FAM120A: variants seen among roughly 807,000 people sequenced by gnomAD.
The protein encoded by FAM120A is family with sequence similarity 120 member A.
Under a neutral mutation model 109.7 loss-of-function variants are expected in FAM120A, and 15 were observed. The observed-to-expected ratio is 0.14, with a 90% CI of 0.09 to 0.21. The LOEUF (loss-of-function observed/expected upper bound fraction) is 0.21, where lower values mean the gene tolerates loss of function less well. FAM120A is among the 10% of genes least tolerant of loss of function. The pLI is 1.00. For missense variants in FAM120A, 899 were observed against 1,439.3 expected (o/e 0.62, Z 6.07); for synonymous variants, 493 against 572.8 (o/e 0.86, Z 1.99).
chr9:93,516,302 G>A (rs757373972), intron 7 of FAM120A, 33 bp downstream of exon 7: 1 of 1,596,716 alleles, frequency 6.3e-7, no homozygotes, highest in Non-Finnish European at 8.6e-7. Flanking sequence ...GGTGCTTCCT[G>A]GCGGGTAGTG....
intron 10 of FAM120A, among the ~76,000 whole-genome samples, chr9:93,533,065 C>T (rs1690240916): frequency 6.6e-6 from 1 of 152,118 alleles, no homozygotes; most frequent in African/African-American, 2.4e-5. Flanking sequence ...GTAAAAGTAA[C>T]TGTATATTTA....
At chr9:93,502,559 G>GACACACACACACACACACACAC (rs1459051943) in intron 5 of FAM120A, among the ~76,000 whole-genome samples, 1 of 59,402 alleles carries the variant, frequency 1.7e-5, no homozygotes, top group Admixed American at 2.5e-4. Context: ...TTCTTAGGAG[G>GACACACACACACACACACACAC]ACACATACAC....
chr9:93,508,504 G>T (rs1860164736), intron 5 of FAM120A, among the ~76,000 whole-genome samples: 1 of 152,218 alleles, frequency 6.6e-6, no homozygotes, highest in African/African-American at 2.4e-5. Context: ...TGCAGACCTA[G>T]GAGACAGCAG....
intron 3 of FAM120A, 39 bp from the exon 4 acceptor site, chr9:93,497,432 C>T (rs776221693): frequency 6.2e-7 from 1 of 1,608,278 alleles, no homozygotes; most frequent in Non-Finnish European, 8.5e-7. Flanking sequence ...GTACTGGTTG[C>T]TCACCATCCA....
At chr9:93,464,104 G>A (rs1857909513) in intron 1 of FAM120A, among the ~76,000 whole-genome samples, 1 of 152,182 alleles carries the variant, frequency 6.6e-6, no homozygotes, top group Non-Finnish European at 1.5e-5. Flanking sequence ...TCATTGTAGA[G>A]TGTTTTTTCA....
intron 11 of FAM120A, among the ~76,000 whole-genome samples, chr9:93,549,952 C>T (rs1862035221): frequency 6.6e-6 from 1 of 152,162 alleles, no homozygotes; most frequent in African/African-American, 2.4e-5. Flanking sequence ...CCCAGGCAGA[C>T]CTGTTCTAGT....
At chr9:93,458,628 T>C (rs1857659284) in intron 1 of FAM120A, among the ~76,000 whole-genome samples, 1 of 152,192 alleles carries the variant, frequency 6.6e-6, no homozygotes, top group African/African-American at 2.4e-5. Context: ...AACCAAATTA[T>C]TGGATGTTTG....
chr9:93,559,596 TGCCTCCTCTGTCTGCCCACCA>T (rs1317878972), intron 15 of FAM120A, among the ~76,000 whole-genome samples: 1 of 152,246 alleles, frequency 6.6e-6, no homozygotes, highest in Non-Finnish European at 1.5e-5. Flanking sequence ...CATGCCTCTC[TGCCTCCTCTGTCTGCCCACCA>T]GCCTCCTGCA....
intron 3 of FAM120A, among the ~76,000 whole-genome samples, chr9:93,485,669 T>C (rs1422589422): frequency 6.6e-6 from 1 of 152,164 alleles, no homozygotes; most frequent in Non-Finnish European, 1.5e-5. Flanking sequence ...TGGTTTCTTA[T>C]ATCTCTTGCT....
At chr9:93,526,028 C>T (rs1187216558) in intron 7 of FAM120A, among the ~76,000 whole-genome samples, 1 of 152,240 alleles carries the variant, frequency 6.6e-6, no homozygotes, top group African/African-American at 2.4e-5. Flanking sequence ...GGTCTTAAAA[C>T]CTCTCCATCT....
At position 93,547,651 on chromosome 9, in the gene FAM120A, A is replaced by G. The variant is rs139427732; in HGVS notation, c.2160-2926A>G. On this transcript the variant is annotated intron_variant, in intron 11 of 17. Coordinates refer to ENST00000277165, the MANE Select transcript of FAM120A (RefSeq NM_014612.5). ...TATTAGCACATTAAGTGACATGTTC[A>G]TAATCTGCTTGATTGCATGGAAAAG... Among the ~76,000 whole-genome samples, 246 of 152,332 alleles carry G rather than the reference A, an allele frequency of 1.6e-3. 2 individuals carry two copies. The highest frequency in any genetic ancestry group is 5.8e-3 in the African/African-American group (241 of 41,578).
intron 1 of FAM120A, among the ~76,000 whole-genome samples, chr9:93,468,997 T>A (rs1858186537): frequency 6.6e-6 from 1 of 152,188 alleles, no homozygotes; most frequent in Admixed American, 6.5e-5. Context: ...ACACAGTGGG[T>A]CCCTCTGCCC....
chr9:93,501,624 G>A (rs902064454), intron 5 of FAM120A, among the ~76,000 whole-genome samples: 2 of 152,076 alleles, frequency 1.3e-5, no homozygotes, highest in African/African-American at 4.8e-5. Context: ...GGTTGTATGC[G>A]GAGGGACTAA....
intron 3 of FAM120A, among the ~76,000 whole-genome samples, chr9:93,483,202 A>ACATGT (rs1858896327): frequency 6.6e-6 from 1 of 152,224 alleles, no homozygotes; most frequent in South Asian, 2.1e-4. Context: ...ATTTCTCCTT[A>ACATGT]CATGTTAGTG....
chr9:93,494,958 A>G (rs1564326159), intron 3 of FAM120A, among the ~76,000 whole-genome samples: 2 of 152,010 alleles, frequency 1.3e-5, no homozygotes, highest in Admixed American at 1.3e-4. Context: ...TTTTCTTCCC[A>G]CTGTGCGTCA....
chr9:93,477,381 CCTT>C (rs1194560157), intron 3 of FAM120A, among the ~76,000 whole-genome samples: 1 of 152,160 alleles, frequency 6.6e-6, no homozygotes, highest in Non-Finnish European at 1.5e-5. Flanking sequence ...AAAATGTTCT[CCTT>C]TTCACCCTAA....
intron 5 of FAM120A, among the ~76,000 whole-genome samples, chr9:93,513,084 G>A (rs750792593): frequency 1.3e-5 from 2 of 152,196 alleles, no homozygotes; most frequent in Admixed American, 1.3e-4. Context: ...TCCAAAGTTA[G>A]GTAAGTGAGG....
In FAM120A at chr9:93,500,881, C is replaced by T. The variant is rs1306499433; in HGVS notation, c.1030+1995C>T. Among the ~76,000 whole-genome samples, 2 of 152,104 alleles carry T rather than the reference C, an allele frequency of 1.3e-5. No homozygotes were observed. The highest frequency in any genetic ancestry group is 6.5e-5 in the Admixed American group (1 of 15,268). On this transcript the variant is annotated intron_variant, in intron 5 of 17. Coordinates refer to ENST00000277165, the MANE Select transcript of FAM120A (RefSeq NM_014612.5). This position sits in a 1 kb window ranked among gnomAD's most constrained non-coding sequence, Gnocchi z 4.6. ...CTACTGCCTCCTGACCTCGAGCTCC[C>T]TATTTTATAGAATGGGGTCATTATG...
intron 1 of FAM120A, chr9:93,453,008 C>T: frequency 8.2e-7 from 1 of 1,216,820 alleles, no homozygotes; most frequent in Non-Finnish European, 1.0e-6. Flanking sequence ...TTTAGAGAAT[C>T]TTTCTATGGC....
Sources: gnomAD v4.1 joint callset for allele counts (sites outside exome capture counted in the v4.1 genomes callset) on GRCh38, gnomAD v4.1.1 for gene constraint, Gnocchi (gnomAD v3.1) non-coding constraint, MANE v1.5 for transcripts, NCBI Gene and HGNC (gene_info 2026-07-23, HGNC 2026-07-21) for gene names.